Variants in PHF21B observed in about 807,000 individuals in gnomAD.
PHF21B encodes the protein PHD finger protein 4.
A neutral mutation model predicts 62.2 loss-of-function variants in PHF21B; 22 were observed. That is an observed-to-expected ratio of 0.35 (90% CI 0.25 to 0.51). The LOEUF is 0.51. PHF21B is among the 20% of genes least tolerant of loss of function. The pLI is 0.97. For missense variants in PHF21B, 701 were observed against 707.9 expected (o/e 0.99, Z 0.11); for synonymous variants, 341 against 314.7 (o/e 1.08, Z -0.88).
intron 2 of PHF21B, among the ~76,000 whole-genome samples, chr22:44,932,917 C>A (rs900102357): frequency 1.3e-5 from 2 of 152,336 alleles, no homozygotes; most frequent in East Asian, 3.9e-4. Context: ...ACATCTACAC[C>A]CAAGTAACCA....
chr22:44,928,648 G>T (rs898811876), intron 2 of PHF21B, among the ~76,000 whole-genome samples: 1 of 152,172 alleles, frequency 6.6e-6, no homozygotes, highest in African/African-American at 2.4e-5. Flanking sequence ...GACCTCAAAC[G>T]ATCTGCCCAC....
At chr22:44,923,864 A>C (rs918368906) in intron 2 of PHF21B, among the ~76,000 whole-genome samples, 3 of 152,004 alleles carry the variant, frequency 2.0e-5, no homozygotes, top group Non-Finnish European at 4.4e-5. Context: ...ATTAAAAATT[A>C]GCTGAGCATG....
intron 2 of PHF21B, chr22:44,966,970 CCT>C (rs2072539503): frequency 1.3e-5 from 2 of 152,226 alleles, no homozygotes; most frequent in African/African-American, 4.8e-5. Context: ...GGCCAAGTCC[CCT>C]GTGTGCAGGT....
intron 2 of PHF21B, among the ~76,000 whole-genome samples, chr22:44,962,126 C>G (rs2072436421): frequency 6.6e-6 from 1 of 151,900 alleles, no homozygotes; most frequent in Non-Finnish European, 1.5e-5. Context: ...CAATATATAC[C>G]CAGTTAATGG....
intron 2 of PHF21B, among the ~76,000 whole-genome samples, chr22:44,968,277 A>T (rs1486787988): frequency 6.6e-6 from 1 of 152,196 alleles, no homozygotes; most frequent in African/African-American, 2.4e-5. Flanking sequence ...TATTTGCATC[A>T]GCAGGGACTA....
intron 2 of PHF21B, among the ~76,000 whole-genome samples, chr22:44,979,381 G>A (rs1260453074): frequency 6.6e-6 from 1 of 152,226 alleles, no homozygotes; most frequent in Non-Finnish European, 1.5e-5. Flanking sequence ...AGGCACCCGA[G>A]GTCGTGCAAG....
At chr22:44,908,607 C>T (rs541402236) in intron 5 of PHF21B, among the ~76,000 whole-genome samples, 2 of 152,306 alleles carry the variant, frequency 1.3e-5, no homozygotes, top group East Asian at 1.9e-4. Flanking sequence ...GCAGCGACAG[C>T]GGAGTTGCCC....
rs2071431168 is a variant in PHF21B at position 44,916,316 on chromosome 22, G to C, written c.528C>G (p.Ile176Met). Residue 176 changes from isoleucine (I) to methionine (M), a missense_variant, in exon 4 of 13, where the codon ATC (isoleucine) becomes ATG (methionine). Transcript: ENST00000313237. The stretch of plus-strand genomic sequence containing the variant: ...CACTGATGAGGAGGGGCTGGACTTT[G>C]ATGCTGTCACTGACCACAGACACGG... ...STAVSVVSDS[I>M]KVQPLLISAD... 5 of 1,599,914 alleles carry C rather than the reference G, an allele frequency of 3.1e-6. No homozygotes were observed. Among genetic ancestry groups the C allele is most frequent in the African/African-American group, 1.3e-5 (1 of 74,188 alleles).
intron 2 of PHF21B, chr22:45,001,748 A>G (rs2073222883): frequency 6.6e-6 from 1 of 152,260 alleles, no homozygotes; most frequent in African/African-American, 2.4e-5. Flanking sequence ...AGACCTCCAC[A>G]ATACCACGTC....
chr22:44,911,655 A>C (rs1283106787), intron 5 of PHF21B, among the ~76,000 whole-genome samples: 1 of 152,262 alleles, frequency 6.6e-6, no homozygotes, highest in Non-Finnish European at 1.5e-5. Flanking sequence ...TAGATTTCAC[A>C]AGATGTATGG....
chr22:44,953,245 C>A (rs772074142), intron 2 of PHF21B, among the ~76,000 whole-genome samples: 1 of 152,164 alleles, frequency 6.6e-6, no homozygotes, highest in East Asian at 1.9e-4. Context: ...GATGCACTAG[C>A]GAGTTGGGGT....
chr22:44,943,348 T>G (rs2071999140), intron 2 of PHF21B, among the ~76,000 whole-genome samples: 1 of 152,120 alleles, frequency 6.6e-6, no homozygotes, highest in Admixed American at 6.5e-5. Context: ...AGGACAGAGC[T>G]GGCCCGGGGA....
At chr22:44,924,344 T>TA (rs1340972035) in intron 2 of PHF21B, among the ~76,000 whole-genome samples, 2 of 152,180 alleles carry the variant, frequency 1.3e-5, no homozygotes, top group East Asian at 3.8e-4. Flanking sequence ...CATAAAATGA[T>TA]ACGCTTTGAA....
intron 2 of PHF21B, among the ~76,000 whole-genome samples, chr22:44,977,259 T>C (rs1270892482): frequency 1.3e-5 from 2 of 152,188 alleles, no homozygotes; most frequent in African/African-American, 4.8e-5. Flanking sequence ...TTACCACATA[T>C]GTATATCAAA....
intron 7 of PHF21B, among the ~76,000 whole-genome samples, chr22:44,891,666 C>T (rs534425928): frequency 1.3e-4 from 20 of 152,252 alleles, no homozygotes; most frequent in Non-Finnish European, 2.5e-4. Flanking sequence ...TGGGACACAT[C>T]AGTCACATGG....
intron 2 of PHF21B, among the ~76,000 whole-genome samples, chr22:44,982,049 C>T (rs1427748556): frequency 3.9e-5 from 6 of 152,240 alleles, no homozygotes; most frequent in African/African-American, 9.6e-5. Context: ...CCACCAGCCC[C>T]GAGGGAACGG....
chr22:44,950,866 T>C (rs879102275), intron 2 of PHF21B, among the ~76,000 whole-genome samples: 3 of 152,216 alleles, frequency 2.0e-5, no homozygotes, highest in Admixed American at 1.3e-4. Context: ...TTGATTTTTT[T>C]CTTACTCATT....
chr22:44,899,589 CTCT>C (rs369528085), intron 5 of PHF21B, among the ~76,000 whole-genome samples: 12 of 152,104 alleles, frequency 7.9e-5, no homozygotes, highest in Non-Finnish European at 1.6e-4. Flanking sequence ...CACACCCAGC[CTCT>C]TCTTTTTTCT....
At chr22:44,962,398 TA>T (rs2147421639) in intron 2 of PHF21B, among the ~76,000 whole-genome samples, 1 of 152,368 alleles carries the variant, frequency 6.6e-6, no homozygotes, top group Non-Finnish European at 1.5e-5. Context: ...CATCATAGCC[TA>T]GCCCAGCCTA....
Sources: allele counts gnomAD v4.1 joint callset (sites outside exome capture counted in the v4.1 genomes callset), GRCh38; gene constraint gnomAD v4.1.1; transcripts MANE v1.5; gene names NCBI Gene and HGNC (gene_info 2026-07-23, HGNC 2026-07-21).